The following SLC12A8 variants were observed in gnomAD, a reference collection of about 807,000 sequenced individuals.
SLC12A8 encodes the protein solute carrier family 12 member 8, also known as cation-chloride cotransporter 9.
Under a neutral mutation model 75.6 loss-of-function variants are expected in SLC12A8, and 69 were observed. The ratio of observed to expected loss-of-function variants is 0.91; its 90% confidence interval spans 0.75 to 1.11. The LOEUF (loss-of-function observed/expected upper bound fraction) is 1.11. Ranked by LOEUF, SLC12A8 falls within the 50% of genes most tolerant of loss-of-function variation. The pLI, the probability that SLC12A8 is intolerant of heterozygous loss-of-function variation, is 0.00. For synonymous variants in SLC12A8, 365 were observed against 372.8 expected, an observed-to-expected ratio of 0.98 and a Z score of 0.24; for missense variants, 877 against 896.7, an observed-to-expected ratio of 0.98 and a Z score of 0.28.
At chr3:125,161,213 T>C (rs982498019) in intron 5 of SLC12A8, among the ~76,000 whole-genome samples, 2 of 152,220 alleles carry the variant, frequency 1.3e-5, no homozygotes, top group African/African-American at 4.8e-5. Context: ...GCCCAGTTAA[T>C]AGATTATTCC....
At chr3:125,139,916 G>A (rs12629105) in intron 5 of SLC12A8, among the ~76,000 whole-genome samples, 5,265 of 152,266 alleles carry the variant, frequency 0.035, 261 homozygotes, top group African/African-American at 0.11. Flanking sequence ...CCATTTTGGG[G>A]AAGGGCAGAT....
chr3:125,144,201 T>C (rs1364670729), intron 5 of SLC12A8, among the ~76,000 whole-genome samples: 4 of 152,340 alleles, frequency 2.6e-5, no homozygotes, highest in Admixed American at 6.5e-5. Flanking sequence ...AGAACAGTGC[T>C]GTCTACTTCC....
At chr3:125,208,943 AC>A (rs1935285396) in intron 2 of SLC12A8, among the ~76,000 whole-genome samples, 1 of 151,928 alleles carries the variant, frequency 6.6e-6, no homozygotes, top group African/African-American at 2.4e-5. Flanking sequence ...CTTTCTAATC[AC>A]CGTGACCAAG....
chr3:125,139,120 G>A (rs1198989082), intron 5 of SLC12A8, among the ~76,000 whole-genome samples: 4 of 152,196 alleles, frequency 2.6e-5, no homozygotes, highest in Admixed American at 2.6e-4. Context: ...TTCTATGTAT[G>A]AAGAGCTTTT....
chr3:125,104,088 A>G (rs73191211), intron 10 of SLC12A8, among the ~76,000 whole-genome samples: 10,112 of 151,980 alleles, frequency 0.067, 477 homozygotes, highest in Non-Finnish European at 0.11. Flanking sequence ...AAAGGAACAG[A>G]AAAACTTTTT....
rs1196303043 is a variant in SLC12A8, at chr3:125,112,564, G to T, written c.913-2229C>A. On this transcript the variant is annotated intron_variant, in intron 8 of 13. Transcript: ENST00000469902. ...AGAGCTCAACAGCTGAATTCATGCA[G>T]CTTCATGACTTTGCTGTAATCGTGC... Among the ~76,000 whole-genome samples, 6 of 152,262 alleles carry T rather than the reference G, an allele frequency of 3.9e-5. 1 individual carries two copies. In the South Asian group the frequency reaches 8.3e-4, roughly 21 times the overall value.
chr3:125,157,773 C>T (rs1934080790), intron 5 of SLC12A8, among the ~76,000 whole-genome samples: 1 of 152,186 alleles, frequency 6.6e-6, no homozygotes, highest in South Asian at 2.1e-4. Context: ...TCAGAAACCC[C>T]AAGGTCAAGG....
chr3:125,112,005 G>T (rs766941832), intron 8 of SLC12A8, among the ~76,000 whole-genome samples: 1 of 152,142 alleles, frequency 6.6e-6, no homozygotes, highest in Non-Finnish European at 1.5e-5. Context: ...TACTTCATTG[G>T]TTACAATGGG....
At chr3:125,141,064 G>A (rs1933618808) in intron 5 of SLC12A8, among the ~76,000 whole-genome samples, 1 of 151,976 alleles carries the variant, frequency 6.6e-6, no homozygotes, top group South Asian at 2.1e-4. Context: ...CGTGTGAATG[G>A]ATCTGGGTTT....
chr3:125,145,533 G>A (rs1933751338), intron 5 of SLC12A8, among the ~76,000 whole-genome samples: 1 of 152,188 alleles, frequency 6.6e-6, no homozygotes, highest in Non-Finnish European at 1.5e-5. Flanking sequence ...CATGCTAAGT[G>A]AAAGAAGCCA....
intron 6 of SLC12A8, among the ~76,000 whole-genome samples, chr3:125,131,810 T>C (rs1560062170): frequency 6.6e-6 from 1 of 152,132 alleles, no homozygotes; most frequent in Non-Finnish European, 1.5e-5. Context: ...TCCCCATATT[T>C]GACAGAAGAT....
chr3:125,211,910 G>T (rs541155250), intron 1 of SLC12A8, among the ~76,000 whole-genome samples: 27 of 152,258 alleles, frequency 1.8e-4, no homozygotes, highest in African/African-American at 6.3e-4. Context: ...ATTGAAGAGG[G>T]TGAGTGAGAA....
intron 10 of SLC12A8, among the ~76,000 whole-genome samples, chr3:125,097,591 T>G (rs1938750145): frequency 6.7e-6 from 1 of 149,058 alleles, no homozygotes; most frequent in African/African-American, 2.5e-5. Flanking sequence ...CTGAGGAACT[T>G]GGGCAGAAGT....
chr3:125,105,640 T>A (rs930256015), intron 10 of SLC12A8, among the ~76,000 whole-genome samples: 22 of 152,186 alleles, frequency 1.4e-4, no homozygotes, highest in Non-Finnish European at 2.8e-4. Context: ...ATTTACTTAG[T>A]CATGATAACA....
chr3:125,173,861 C>A (rs888090999), intron 5 of SLC12A8, among the ~76,000 whole-genome samples: 2 of 152,142 alleles, frequency 1.3e-5, no homozygotes, highest in Non-Finnish European at 2.9e-5. Flanking sequence ...GAGGCTGAGG[C>A]GGGTGGATCT....
intron 4 of SLC12A8, among the ~76,000 whole-genome samples, chr3:125,185,505 G>A (rs1466951101): frequency 6.6e-6 from 1 of 151,804 alleles, no homozygotes; most frequent in Non-Finnish European, 1.5e-5. Flanking sequence ...AAAAACCCAG[G>A]ACCAGATGGC....
At chr3:125,197,498 C>G (rs995735272) in intron 2 of SLC12A8, among the ~76,000 whole-genome samples, 7 of 152,130 alleles carry the variant, frequency 4.6e-5, no homozygotes, top group African/African-American at 1.7e-4. Context: ...TGCGCTGTTG[C>G]CCAGGCTGGT....
chr3:125,140,171 A>C (rs903218394), intron 5 of SLC12A8, among the ~76,000 whole-genome samples: 1 of 152,238 alleles, frequency 6.6e-6, no homozygotes, highest in Non-Finnish European at 1.5e-5. Context: ...GGTCACTCCA[A>C]GGACACCACA....
chr3:125,098,595 C>CACAT (rs71148165), intron 10 of SLC12A8, among the ~76,000 whole-genome samples: 1 of 146,190 alleles, frequency 6.8e-6, no homozygotes, highest in South Asian at 2.1e-4. Flanking sequence ...CACACACACA[C>CACAT]GTATAAAACT....
Sources: gnomAD v4.1 joint callset for allele counts (sites outside exome capture counted in the v4.1 genomes callset) on GRCh38, gnomAD v4.1.1 for gene constraint, MANE v1.5 for transcripts, NCBI Gene and HGNC (gene_info 2026-07-23, HGNC 2026-07-21) for gene names.